The following AGAP1 variants were observed in gnomAD, a reference collection of about 807,000 sequenced individuals.
AGAP1 encodes the protein ArfGAP with GTPase domain, ankyrin repeat and PH domain 1, also known as arf-GAP with GTPase, ANK repeat and PH domain-containing protein 1.
In AGAP1, 29 loss-of-function variants were observed where a neutral mutation model predicts 105.3. The observed-to-expected ratio is 0.28, with a 90% CI of 0.21 to 0.38. The LOEUF (loss-of-function observed/expected upper bound fraction) is 0.38. Ranked by LOEUF, AGAP1 falls within the 10% of genes least tolerant of loss-of-function variation. The probability of loss-of-function intolerance (pLI) is 1.00; values close to 1 mark genes in which losing one functional copy is unlikely to be tolerated. For missense variants in AGAP1, 998 were observed against 1,165.1 expected, an observed-to-expected ratio of 0.86 and a Z score of 2.09; for synonymous variants, 509 against 485.9, an observed-to-expected ratio of 1.05 and a Z score of -0.63.
intron 1 of AGAP1, among the ~76,000 whole-genome samples, chr2:235,682,091 T>C (rs1309878972): frequency 2.0e-5 from 3 of 151,986 alleles, no homozygotes; most frequent in African/African-American, 7.2e-5. Context: ...GACCTTGTGA[T>C]CCACGCATCT....
At chr2:235,682,534 G>A (rs113259134) in intron 1 of AGAP1, among the ~76,000 whole-genome samples, 109 of 150,844 alleles carry the variant, frequency 7.2e-4, no homozygotes, top group Non-Finnish European at 1.3e-3. Flanking sequence ...TAGTAGAGAT[G>A]GGGTTTTGCC....
At position 235,769,700 on chromosome 2, in the gene AGAP1, GA is replaced by G. The variant is rs971023166; in HGVS notation, c.673+19221del. Among the ~76,000 whole-genome samples, 5 of 148,812 alleles carry G rather than the reference GA, an allele frequency of 3.4e-5. No homozygotes were observed. The highest frequency in any genetic ancestry group is 2.2e-4 in the South Asian group (1 of 4,598). On this transcript the variant is annotated intron_variant, in intron 6 of 17. Transcript: ENST00000304032. The surrounding 1 kb of genome is among the most constrained non-coding windows in gnomAD (Gnocchi z 4.4). ...GTGGTCAAAATCTCGGGGAGGCAGT[GA>G]AAAAAAAACGAAAGCAGTGACTAAA...
chr2:235,941,068 A>G (rs993865808), intron 12 of AGAP1, among the ~76,000 whole-genome samples: 3 of 152,232 alleles, frequency 2.0e-5, no homozygotes, highest in African/African-American at 7.2e-5. Flanking sequence ...AATGCTTTGC[A>G]TATTGCTTTA....
chr2:235,564,631 GGGCCA>G, intron 1 of AGAP1, among the ~76,000 whole-genome samples: 1 of 105,208 alleles, frequency 9.5e-6, no homozygotes, highest in Non-Finnish European at 1.9e-5. Flanking sequence ...CCACCACCCA[GGGCCA>G]GGTGTGAGCC....
intron 9 of AGAP1, among the ~76,000 whole-genome samples, chr2:235,859,638 T>G (rs985918854): frequency 9.2e-5 from 14 of 151,598 alleles, no homozygotes; most frequent in African/African-American, 3.2e-4. Context: ...TCAGAGAGAC[T>G]CGCATTTGTC....
At chr2:235,686,665 A>ATATATTTTTT (rs1369766503) in intron 1 of AGAP1, among the ~76,000 whole-genome samples, 3 of 77,490 alleles carry the variant, frequency 3.9e-5, no homozygotes, top group Admixed American at 1.8e-4. Flanking sequence ...ATATATATAT[A>ATATATTTTTT]TTTTTTTTTT....
In AGAP1 at chr2:235,578,929, GGATATA is replaced by G. The variant is rs1212916722; in HGVS notation, c.163+84086_163+84091del. On this transcript the variant is annotated intron_variant, in intron 1 of 17. Transcript: ENST00000304032. The surrounding 1 kb of genome is among the most constrained non-coding windows in gnomAD (Gnocchi z 4.9). ...CCCTCTAGCTGTCAGTCACACAGAC[GGATATA>G]GATATGTAATTTGAATTACTTCTGT... Among the ~76,000 whole-genome samples, 4 of 151,988 alleles carry G rather than the reference GGATATA, an allele frequency of 2.6e-5. No individual in the cohort carries two copies. The East Asian group carries it at 7.7e-4, about 29-fold the overall frequency.
At chr2:235,526,736 A>G (rs1186567632) in intron 1 of AGAP1, among the ~76,000 whole-genome samples, 5 of 152,226 alleles carry the variant, frequency 3.3e-5, no homozygotes, top group African/African-American at 1.2e-4. Context: ...GATGGGTAAA[A>G]GGTCATTGCC....
chr2:236,093,079 T>C (rs2059104943), intron 16 of AGAP1, among the ~76,000 whole-genome samples: 1 of 152,216 alleles, frequency 6.6e-6, no homozygotes, highest in African/African-American at 2.4e-5. Context: ...AGCTCTTCTT[T>C]ATAAAAAATG....
rs1357758931 is a variant in AGAP1 at position 236,126,960 on chromosome 2, CGTT to C, written c.*2842_*2844del. 6.6e-6 allele frequency: 1 copy of C among 152,198 alleles called. No individual in the cohort carries two copies. Among genetic ancestry groups the C allele is most frequent in the Non-Finnish European group, 1.5e-5 (1 of 68,072 alleles). 9.4% of individuals were successfully genotyped at this position (152,198 alleles called of 1,614,324 possible). ...TCGTTTGAGAAGGGGGTGGAGTTTT[CGTT>C]GTTCATTTCCATGTTCAGTTCTGTG... On this transcript the variant is annotated 3_prime_UTR_variant, in exon 18 of 18. Transcript: ENST00000304032.
At chr2:235,871,693 T>C (rs1405340000) in intron 9 of AGAP1, among the ~76,000 whole-genome samples, 1 of 152,200 alleles carries the variant, frequency 6.6e-6, no homozygotes, top group East Asian at 1.9e-4. Context: ...AAATGATCAT[T>C]TGACTGTTTC....
At chr2:235,505,395 C>T (rs1028245779) in intron 1 of AGAP1, among the ~76,000 whole-genome samples, 7 of 152,052 alleles carry the variant, frequency 4.6e-5, no homozygotes, top group African/African-American at 1.7e-4. Flanking sequence ...GCAGTGTGTG[C>T]GTGTGTGGAT....
At chr2:235,653,387 C>T (rs764941982) in intron 1 of AGAP1, among the ~76,000 whole-genome samples, 125 of 152,056 alleles carry the variant, frequency 8.2e-4, no homozygotes, top group Non-Finnish European at 1.4e-3. Flanking sequence ...TGGCATGAAA[C>T]CGGGAGGCAG....
At chr2:235,938,134 AGATGT>A (rs2053079867) in intron 12 of AGAP1, among the ~76,000 whole-genome samples, 2 of 152,238 alleles carry the variant, frequency 1.3e-5, no homozygotes, top group East Asian at 1.9e-4. Context: ...CCACCAGCGT[AGATGT>A]GATGTAACAT....
Position 235,801,724 on chromosome 2 carries a change from C to T in AGAP1, c.957+2202C>T, listed in dbSNP as rs1042800531. ...GGGCTGTGGGCAGGCGGCCTGTGCCCCGGGAGGAGGGGCGGGCTTGTCATC... is the reference window on the plus strand; with the variant it reads ...GGGCTGTGGGCAGGCGGCCTGTGCCTCGGGAGGAGGGGCGGGCTTGTCATC... On this transcript the variant is annotated intron_variant, in intron 8 of 17. Transcript: ENST00000304032. The surrounding 1 kb of genome is among the most constrained non-coding windows in gnomAD (Gnocchi z 6.0). Among the ~76,000 whole-genome samples, 6 of 152,054 alleles carry T rather than the reference C, an allele frequency of 3.9e-5. No homozygotes were observed. Among genetic ancestry groups the T allele is most frequent in the African/African-American group, 1.4e-4 (6 of 41,408 alleles).
Position 236,126,569 on chromosome 2 carries a change from A to C in AGAP1, c.*2447A>C, listed in dbSNP as rs1488254858. ...ATTTTCCCAAATGACTTCTTGTTTCACTTTGCCTTCCACAACCTGAATGCC... is the reference window on the plus strand; with the variant it reads ...ATTTTCCCAAATGACTTCTTGTTTCCCTTTGCCTTCCACAACCTGAATGCC... On this transcript the variant is annotated 3_prime_UTR_variant, in exon 18 of 18. Transcript: ENST00000304032. 1 of 151,982 alleles carries C rather than the reference A, an allele frequency of 6.6e-6. No individual in the cohort carries two copies. The highest frequency in any genetic ancestry group is 1.5e-5 in the Non-Finnish European group (1 of 68,008). The allele number at this position is 151,982 out of a possible 1,614,324, so 9.4% of individuals were successfully genotyped here.
intron 3 of AGAP1, among the ~76,000 whole-genome samples, chr2:235,730,915 C>G (rs1308664880): frequency 6.6e-6 from 1 of 152,108 alleles, no homozygotes; most frequent in Non-Finnish European, 1.5e-5. Flanking sequence ...TGAAAAGCAG[C>G]CCCCAACCGT....
chr2:235,835,836 C>T (rs948165956), intron 9 of AGAP1, among the ~76,000 whole-genome samples: 7 of 152,162 alleles, frequency 4.6e-5, no homozygotes, highest in Non-Finnish European at 8.8e-5. Flanking sequence ...ACAAAGAAGG[C>T]GGCTAACAAG....
In AGAP1 at chr2:235,728,301, C is replaced by CTGTGTGTG. The variant is rs143714801; in HGVS notation, c.310+10676_310+10683dup. ...ATCTGAAAAGGACTGGGCCCAGACT[C>CTGTGTGTG]TGTGTGTGTGTGTGTGTGTGTGTGT... On this transcript the variant is annotated intron_variant, in intron 3 of 17. Coordinates refer to ENST00000304032, the MANE Select transcript of AGAP1 (RefSeq NM_001037131.3). This position sits in a 1 kb window ranked among gnomAD's most constrained non-coding sequence, Gnocchi z 4.3. Among the ~76,000 whole-genome samples, 17 of 148,622 alleles carry CTGTGTGTG rather than the reference C, an allele frequency of 1.1e-4. No individual in the cohort carries two copies. The highest frequency in any genetic ancestry group is 2.0e-4 in the Admixed American group (3 of 14,896).
Sources: gnomAD v4.1 joint callset for allele counts (sites outside exome capture counted in the v4.1 genomes callset) on GRCh38, gnomAD v4.1.1 for gene constraint, Gnocchi (gnomAD v3.1) non-coding constraint, MANE v1.5 for transcripts, NCBI Gene and HGNC (gene_info 2026-07-23, HGNC 2026-07-21) for gene names.